The following LRP2 variants were observed in gnomAD, a reference collection of about 807,000 sequenced individuals.
LRP2 encodes low-density lipoprotein receptor-related protein 2.
LRP2 carries 172 observed loss-of-function variants against 531.0 expected under a neutral mutation model. That is an observed-to-expected ratio of 0.32 (90% CI 0.29 to 0.37). The LOEUF is 0.37. LRP2 is among the 10% of genes least tolerant of loss of function. The pLI is 1.00. For synonymous variants in LRP2, 1,992 were observed against 2,027.6 expected (o/e 0.98, Z 0.47); for missense variants, 5,167 against 5,868.3 (o/e 0.88, Z 3.90).
At chr2:169,156,518 T>C (rs1177595739) in intron 64 of LRP2, 113 bp from the exon 65 acceptor site, 1 of 1,147,670 alleles carries the variant, frequency 8.7e-7, no homozygotes, top group East Asian at 2.4e-5. Context: ...AGGGTACAGA[T>C]GAAAATAAGC....
chr2:169,131,631 G>A (rs1685294538), intron 77 of LRP2, among the ~76,000 whole-genome samples: 1 of 152,112 alleles, frequency 6.6e-6, no homozygotes, highest in Non-Finnish European at 1.5e-5. Context: ...GTTGGGGAGG[G>A]GAGGTGATTT....
intron 26 of LRP2, 132 bp from the exon 27 acceptor site, chr2:169,238,434 G>A (rs1689684869): frequency 2.9e-6 from 2 of 691,002 alleles, no homozygotes; most frequent in African/African-American, 1.8e-5. Context: ...AGTTGGTGGG[G>A]AGGGGAGGAA....
intron 5 of LRP2, 36 bp downstream of exon 5, chr2:169,294,563 TC>T (rs1457788101): frequency 6.9e-7 from 1 of 1,449,536 alleles, no homozygotes; most frequent in Non-Finnish European, 9.7e-7. Context: ...TAAACCAGCT[TC>T]AGCACACAAC....
intron 3 of LRP2, among the ~76,000 whole-genome samples, chr2:169,308,139 T>A (rs1684478146): frequency 6.6e-6 from 1 of 152,150 alleles, no homozygotes; most frequent in Non-Finnish European, 1.5e-5. Context: ...AACGTGATCA[T>A]CTAAAAAATA....
In LRP2 at chr2:169,243,385, A is replaced by C. The variant is rs2075255; in HGVS notation, c.3550+18T>G. On this transcript the variant is annotated intron_variant, in intron 23 of 78. Coordinates refer to ENST00000649046, the MANE Select transcript of LRP2 (RefSeq NM_004525.3). ...TCTAAATAAACATTGTGAATAAAAA[A>C]GAAGGCAATGCACTTACCACAACCA... 0.5 allele frequency: 800,359 copies of C among 1,610,366 alleles called. 206,948 individuals carry two copies. Among genetic ancestry groups the C allele is most frequent in the South Asian group, 0.74 (67,640 of 91,000 alleles).
intron 48 of LRP2, among the ~76,000 whole-genome samples, chr2:169,190,697 C>G (rs893344248): frequency 6.6e-6 from 1 of 152,198 alleles, no homozygotes; most frequent in Admixed American, 6.5e-5. Flanking sequence ...TTGGCACAAG[C>G]AATATCTCTT....
chr2:169,203,976 C>T lies in LRP2; in HGVS notation c.8005+6G>A. ...CATGTTCTAATTTTCATGGTCAGTG[C>T]CTTACCTGGTGCACAGATATGGCTG... On this transcript the variant is annotated splice_donor_region_variant and intron_variant, in intron 42 of 78. Coordinates refer to ENST00000649046, the MANE Select transcript of LRP2 (RefSeq NM_004525.3). 1 of 1,613,968 alleles carries T rather than the reference C, an allele frequency of 6.2e-7. No individual in the cohort carries two copies. The highest frequency in any genetic ancestry group is 8.5e-7 in the Non-Finnish European group (1 of 1,179,886).
intron 16 of LRP2, among the ~76,000 whole-genome samples, chr2:169,266,791 T>C (rs529792952): frequency 6.6e-6 from 1 of 152,120 alleles, no homozygotes; most frequent in East Asian, 1.9e-4. Flanking sequence ...AAAAACAGTG[T>C]CTAGTCAATT....
chr2:169,177,717 T>C, intron 53 of LRP2, 86 bp downstream of exon 53: 2 of 1,178,358 alleles, frequency 1.7e-6, no homozygotes, highest in Admixed American at 1.7e-5. Context: ...AAACTTTTTG[T>C]AAATCACGAA....
chr2:169,185,429 T>C (rs1687599384), intron 50 of LRP2, 74 bp downstream of exon 50: 1 of 1,480,894 alleles, frequency 6.8e-7, no homozygotes. Flanking sequence ...AAAAATTAAT[T>C]TCCTATCAAG....
intron 46 of LRP2, among the ~76,000 whole-genome samples, chr2:169,196,399 A>T (rs982436891): frequency 3.3e-5 from 5 of 152,212 alleles, no homozygotes; most frequent in Admixed American, 3.3e-4. Context: ...CAGCCTCCAA[A>T]TGTAAACAGG....
rs571696950 is a variant in LRP2, at chr2:169,362,482, G to A, written c.-83C>T. On this transcript the variant is annotated 5_prime_UTR_variant, in exon 1 of 79. Coordinates refer to ENST00000649046, the MANE Select transcript of LRP2 (RefSeq NM_004525.3). ...CACCGCACCGGCAGCGCCTCTGCTA[G>A]CGAACGCTCCTTTAGGTCTGCACCT... is the stretch of plus-strand genomic sequence containing the variant. 4 of 1,242,888 alleles carry A rather than the reference G, an allele frequency of 3.2e-6. No individual in the cohort carries two copies. The South Asian group carries it at 5.1e-5, about 16-fold the overall frequency. 77.0% of individuals were successfully genotyped at this position (1,242,888 alleles called of 1,614,324 possible). A position where few individuals can be genotyped will look rare whatever the true frequency, so the allele number is the denominator to read the frequency against.
At position 169,127,963 on chromosome 2, in the gene LRP2, A is replaced by T. The variant is rs185485080; in HGVS notation, c.*700T>A. On this transcript the variant is annotated 3_prime_UTR_variant, in exon 79 of 79. Coordinates refer to ENST00000649046, the MANE Select transcript of LRP2 (RefSeq NM_004525.3). ...AATGATATGGGATTTCCTCATAGAC[A>T]TCACAAATAAAAATGTTGTCTTGGC... The T allele has an allele frequency of 1.3e-5, 2 of 152,656 alleles. No homozygotes were observed. Among genetic ancestry groups the T allele is most frequent in the East Asian group, 3.8e-4 (2 of 5,198 alleles). The allele number at this position is 152,656 out of a possible 1,614,324, so 9.5% of individuals were successfully genotyped here.
At chr2:169,215,895 A>G (rs1287076646) in intron 35 of LRP2, among the ~76,000 whole-genome samples, 2 of 151,412 alleles carry the variant, frequency 1.3e-5, no homozygotes, top group East Asian at 3.9e-4. Context: ...TAATTGGAGA[A>G]CCCAGAGTAC....
chr2:169,173,050 G>A (rs767076844), intron 57 of LRP2, 46 bp downstream of exon 57: 1 of 1,612,338 alleles, frequency 6.2e-7, no homozygotes, highest in Non-Finnish European at 8.5e-7. Flanking sequence ...CACTTGACAT[G>A]TGCACTTTCT....
In LRP2 at chr2:169,290,992, C is replaced by G. The variant is rs34693334; in HGVS notation, c.775G>C (p.Gly259Arg). 105,065 of 1,613,654 alleles carry G rather than the reference C, an allele frequency of 0.065. 4,153 individuals carry two copies. Among genetic ancestry groups the G allele is most frequent in the Middle Eastern group, 0.12 (754 of 6,056 alleles). Residue 259 changes from glycine to arginine, a missense_variant, in exon 8 of 79, where the codon GGT (glycine) becomes CGT (arginine). Gly to Arg is a moderately radical substitution (Grantham distance 125, BLOSUM62 -2). This residue lies in a region of LRP2 where 2,811 missense variants were observed against 3,058.0 expected (regional missense o/e 0.92). Transcript: ENST00000649046. ...GAACATTTATGAACATCATGAGGAC[C>G]GCTTTCTGTGGGGGGAAAAAGAGAG... is the stretch of plus-strand genomic sequence containing the variant. ...DNGDEDGCESGPHDVHKCSPR... is the reference protein window; with the variant it reads ...DNGDEDGCESRPHDVHKCSPR...
rs543779885 is a variant in LRP2 at position 169,219,720 on chromosome 2, AAACT to A, written c.5648+730_5648+733del. On this transcript the variant is annotated intron_variant, in intron 34 of 78. Transcript: ENST00000649046. ...GGAAGGGAGGAGGGCATGGGTTGAA[AAACT>A]AACTATTGGGTACTATGCTCACTAT... 4.4e-4 allele frequency among the ~76,000 whole-genome samples: 67 copies of A among 152,230 alleles called. 1 individual carries two copies. In the South Asian group the frequency reaches 0.014, roughly 31 times the overall value.
rs1261760072 is a variant in LRP2 at position 169,149,601 on chromosome 2, G to A, written c.12590+1297C>T. 9.2e-5 allele frequency among the ~76,000 whole-genome samples: 14 copies of A among 152,030 alleles called. 1 individual carries two copies. Among genetic ancestry groups the A allele is most frequent in the Non-Finnish European group, 4.4e-5 (3 of 68,018 alleles). On this transcript the variant is annotated intron_variant, in intron 68 of 78. Transcript: ENST00000649046. ...CCTGTAATCCCAGCACACTGGGAGGGCGAGGCAGATGGATCACCTGAGGTC... is the reference window on the plus strand; with the variant it reads ...CCTGTAATCCCAGCACACTGGGAGGACGAGGCAGATGGATCACCTGAGGTC...
rs1688955074 is a variant in LRP2 at position 169,220,555 on chromosome 2, T to C, written c.5547A>G (p.Thr1849=). The C allele has an allele frequency of 1.9e-6, 3 of 1,607,962 alleles. No homozygotes were observed. Among genetic ancestry groups the C allele is most frequent in the Non-Finnish European group, 2.6e-6 (3 of 1,175,008 alleles). The change falls in exon 34 of 79, where the codon ACA becomes ACG. Residue 1849 remains threonine, a synonymous_variant. Coordinates refer to ENST00000649046, the MANE Select transcript of LRP2 (RefSeq NM_004525.3). Reference sequence around the variant, plus strand: ...TTCTGTATCTGATATCTCCGTGGAGTGTCAAAACCTATAGCATAAAATCAC... The same window carrying C: ...TTCTGTATCTGATATCTCCGTGGAGCGTCAAAACCTATAGCATAAAATCAC... ...NPRTQSIEVL[T]LHGDIRYRKT...
Sources: gnomAD v4.1 joint callset for allele counts (sites outside exome capture counted in the v4.1 genomes callset) on GRCh38, gnomAD v4.1.1 for gene constraint, gnomAD v4.1.1 regional missense constraint, MANE v1.5 for transcripts, NCBI Gene and HGNC (gene_info 2026-07-23, HGNC 2026-07-21) for gene names.